The following CYYR1 variants were observed in gnomAD, a reference collection of about 807,000 sequenced individuals.
CYYR1 encodes cysteine and tyrosine rich 1.
In CYYR1, 14 loss-of-function variants were observed where a neutral mutation model predicts 15.2. The ratio of observed to expected loss-of-function variants is 0.92; its 90% confidence interval spans 0.61 to 1.44. The LOEUF (loss-of-function observed/expected upper bound fraction) is 1.44, where lower values mean the gene tolerates loss of function less well. CYYR1 is among the 40% of genes most tolerant of loss of function. CYYR1 has a pLI of 0.00. For synonymous variants in CYYR1, 80 were observed against 77.4 expected (o/e 1.03, Z -0.18); for missense variants, 228 against 209.5 (o/e 1.09, Z -0.54).
intron 2 of CYYR1, among the ~76,000 whole-genome samples, chr21:26,509,597 C>A (rs1013765889): frequency 1.5e-4 from 23 of 152,168 alleles, no homozygotes; most frequent in Admixed American, 6.5e-5. Flanking sequence ...AGTGGCTTTA[C>A]TGAAAAAGTT....
chr21:26,490,396 A>G (rs371191264), intron 2 of CYYR1, among the ~76,000 whole-genome samples: 2 of 152,116 alleles, frequency 1.3e-5, no homozygotes, highest in East Asian at 3.9e-4. Flanking sequence ...ATAATACTTG[A>G]CTTTAAAGAT....
At chr21:26,567,261 T>C (rs1980699243) in intron 1 of CYYR1, among the ~76,000 whole-genome samples, 1 of 152,192 alleles carries the variant, frequency 6.6e-6, no homozygotes. Context: ...GAAAAGATGA[T>C]TGGTTATAGG....
chr21:26,497,215 C>T (rs1370231904), intron 2 of CYYR1, among the ~76,000 whole-genome samples: 6 of 152,066 alleles, frequency 3.9e-5, no homozygotes, highest in African/African-American at 1.4e-4. Context: ...TACTAATGTA[C>T]GCTCAGCAGG....
At chr21:26,566,952 T>C (rs1980669752) in intron 1 of CYYR1, among the ~76,000 whole-genome samples, 1 of 146,456 alleles carries the variant, frequency 6.8e-6, no homozygotes, top group Non-Finnish European at 1.5e-5. Context: ...GAGGTTGCAA[T>C]GAGCCGAGAT....
chr21:26,557,457 C>A (rs1006997202), intron 2 of CYYR1, among the ~76,000 whole-genome samples: 1 of 152,018 alleles, frequency 6.6e-6, no homozygotes, highest in Non-Finnish European at 1.5e-5. Flanking sequence ...TAACATAAAA[C>A]GCAACAAGCA....
chr21:26,537,876 C>T (rs991179384), intron 2 of CYYR1, among the ~76,000 whole-genome samples: 4 of 152,022 alleles, frequency 2.6e-5, no homozygotes, highest in East Asian at 1.9e-4. Flanking sequence ...TTCCACCATG[C>T]GAGGAGAAGA....
chr21:26,561,244 A>G (rs1418257186), intron 2 of CYYR1, among the ~76,000 whole-genome samples: 5 of 152,088 alleles, frequency 3.3e-5, no homozygotes, highest in Non-Finnish European at 7.4e-5. Flanking sequence ...TGATTTCTTC[A>G]GTATGTACCT....
chr21:26,496,584 TAAC>T (rs2065407621), intron 2 of CYYR1, among the ~76,000 whole-genome samples: 1 of 152,156 alleles, frequency 6.6e-6, no homozygotes. Flanking sequence ...TAGTAAACCT[TAAC>T]AAGATGTTAC....
At chr21:26,541,862 C>T (rs1189223325) in intron 2 of CYYR1, among the ~76,000 whole-genome samples, 1 of 152,042 alleles carries the variant, frequency 6.6e-6, no homozygotes, top group African/African-American at 2.4e-5. Flanking sequence ...ATCTTTAGAG[C>T]ACCACTGAAA....
intron 2 of CYYR1, among the ~76,000 whole-genome samples, chr21:26,544,532 C>T (rs555251971): frequency 3.3e-5 from 5 of 152,230 alleles, no homozygotes; most frequent in Non-Finnish European, 4.4e-5. Context: ...CATAAGAATG[C>T]CGTGTTTATA....
chr21:26,479,107 A>T (rs1164494645), intron 3 of CYYR1, among the ~76,000 whole-genome samples: 1 of 152,150 alleles, frequency 6.6e-6, no homozygotes, highest in African/African-American at 2.4e-5. Context: ...GGCACTTACC[A>T]CCCTGAGGTT....
chr21:26,502,674 T>C (rs2065497625), intron 2 of CYYR1, among the ~76,000 whole-genome samples: 1 of 152,162 alleles, frequency 6.6e-6, no homozygotes, highest in Admixed American at 6.5e-5. Flanking sequence ...GTTGTATATA[T>C]AAGCAGGTGT....
At chr21:26,568,398 C>A (rs1980788984) in intron 1 of CYYR1, 1 of 152,064 alleles carries the variant, frequency 6.6e-6, no homozygotes, top group Admixed American at 6.6e-5. Context: ...GTTGGATAAC[C>A]AGTTGGCCAT....
intron 2 of CYYR1, among the ~76,000 whole-genome samples, chr21:26,522,183 C>T (rs1349504487): frequency 6.6e-6 from 1 of 152,302 alleles, no homozygotes; most frequent in East Asian, 1.9e-4. Flanking sequence ...GGACAATATT[C>T]CCACTGTAGA....
At chr21:26,557,403 T>G (rs1296844785) in intron 2 of CYYR1, among the ~76,000 whole-genome samples, 4 of 152,168 alleles carry the variant, frequency 2.6e-5, no homozygotes, top group Non-Finnish European at 4.4e-5. Flanking sequence ...GGTAACATAT[T>G]CAATTCAGAA....
At chr21:26,493,222 T>C (rs1176700574) in intron 2 of CYYR1, among the ~76,000 whole-genome samples, 1 of 152,164 alleles carries the variant, frequency 6.6e-6, no homozygotes, top group Non-Finnish European at 1.5e-5. Flanking sequence ...AAGGAACGTC[T>C]TTAATAATAC....
chr21:26,480,963 G>A (rs1400983832), intron 2 of CYYR1, among the ~76,000 whole-genome samples: 1 of 152,060 alleles, frequency 6.6e-6, no homozygotes. Flanking sequence ...AAGCTACCCA[G>A]AGAACAGTTA....
Position 26,482,666 on chromosome 21 carries a change from T to C in CYYR1, c.177-2237A>G, listed in dbSNP as rs189103746. Reference sequence around the variant, plus strand: ...GACTTAATGCTTCACTCTTACGTGATTGATAATTCATCTATGCATGAAATT... The same window carrying C: ...GACTTAATGCTTCACTCTTACGTGACTGATAATTCATCTATGCATGAAATT... On this transcript the variant is annotated intron_variant, in intron 2 of 3. Transcript: ENST00000652641. 9.1e-4 allele frequency: 179 copies of C among 196,770 alleles called. 1 individual carries two copies. The highest frequency in any genetic ancestry group is 2.7e-3 in the Admixed American group (41 of 15,308). 12.2% of individuals were successfully genotyped at this position (196,770 alleles called of 1,614,324 possible). A position where few individuals can be genotyped will look rare whatever the true frequency, so the allele number is the denominator to read the frequency against.
At chr21:26,567,632 C>T (rs900487549) in intron 1 of CYYR1, among the ~76,000 whole-genome samples, 1 of 151,996 alleles carries the variant, frequency 6.6e-6, no homozygotes, top group African/African-American at 2.4e-5. Flanking sequence ...ATTTAAGAGT[C>T]ACAAAATAAT....
Sources: gnomAD v4.1 joint callset for allele counts (sites outside exome capture counted in the v4.1 genomes callset) on GRCh38, gnomAD v4.1.1 for gene constraint, MANE v1.5 for transcripts, NCBI Gene and HGNC (gene_info 2026-07-23, HGNC 2026-07-21) for gene names.